HS6ST3: variants seen among roughly 807,000 people sequenced by gnomAD.
HS6ST3 encodes heparan sulfate 6-O-sulfotransferase 3, also known as heparan-sulfate 6-O-sulfotransferase 3.
Under a neutral mutation model 36.7 loss-of-function variants are expected in HS6ST3, and 12 were observed. The ratio of observed to expected loss-of-function variants is 0.33; its 90% confidence interval spans 0.21 to 0.53. The LOEUF is 0.53. HS6ST3 is among the 20% of genes least tolerant of loss of function. The pLI is 0.95. For missense variants in HS6ST3, 584 were observed against 640.9 expected (o/e 0.91, Z 0.96); for synonymous variants, 240 against 257.5 (o/e 0.93, Z 0.65).
At chr13:96,166,867 G>A (rs1000924841) in intron 1 of HS6ST3, among the ~76,000 whole-genome samples, 1 of 152,124 alleles carries the variant, frequency 6.6e-6, no homozygotes, top group Non-Finnish European at 1.5e-5. Flanking sequence ...TTTCTGCCAT[G>A]CTGTTCTCAT....
At chr13:96,292,260 A>C (rs1463568227) in intron 1 of HS6ST3, among the ~76,000 whole-genome samples, 1 of 151,818 alleles carries the variant, frequency 6.6e-6, no homozygotes, top group African/African-American at 2.4e-5. Context: ...GGTTTATATT[A>C]CTTTAAAGTG....
intron 1 of HS6ST3, among the ~76,000 whole-genome samples, chr13:96,637,729 A>G (rs543312503): frequency 6.6e-6 from 1 of 152,250 alleles, no homozygotes; most frequent in Non-Finnish European, 1.5e-5. Context: ...GAGGAAAGAG[A>G]GTAAACAAAT....
chr13:96,701,900 T>C (rs1370736653), intron 1 of HS6ST3, among the ~76,000 whole-genome samples: 2 of 152,150 alleles, frequency 1.3e-5, no homozygotes, highest in African/African-American at 4.8e-5. Context: ...AGGTGGAGGC[T>C]GCAGTGAGCT....
At chr13:96,534,683 G>C (rs552496330) in intron 1 of HS6ST3, among the ~76,000 whole-genome samples, 1 of 152,226 alleles carries the variant, frequency 6.6e-6, no homozygotes, top group Non-Finnish European at 1.5e-5. Flanking sequence ...AAGAGGCCGG[G>C]CACGGTGGCA....
intron 1 of HS6ST3, among the ~76,000 whole-genome samples, chr13:96,426,022 G>A (rs1373683781): frequency 6.6e-6 from 1 of 151,054 alleles, no homozygotes; most frequent in Non-Finnish European, 1.5e-5. Flanking sequence ...CCAGAGAGAT[G>A]AAGGAGATCT....
At chr13:96,157,450 C>T (rs187951049) in intron 1 of HS6ST3, among the ~76,000 whole-genome samples, 22 of 152,248 alleles carry the variant, frequency 1.4e-4, no homozygotes, top group African/African-American at 5.3e-4. Context: ...CAGAGCAAGG[C>T]AAATCTGAGT....
At chr13:96,783,569 C>CTTTTT (rs113084867) in intron 1 of HS6ST3, among the ~76,000 whole-genome samples, 2 of 140,594 alleles carry the variant, frequency 1.4e-5, no homozygotes, top group African/African-American at 5.2e-5. Context: ...AAAAATAAAG[C>CTTTTT]TTTTTTTTTT....
chr13:96,496,441 A>G lies in HS6ST3; in HGVS notation c.708-336049A>G, dbSNP rs985952419. ...GCCAGTCTTCTGACTGGCTCTGACC[A>G]CTAGAATGTGGCAAAAGTGACATTC... is the stretch of plus-strand genomic sequence containing the variant. On this transcript the variant is annotated intron_variant, in intron 1 of 1. Coordinates refer to ENST00000376705, the MANE Select transcript of HS6ST3 (RefSeq NM_153456.4). Among the ~76,000 whole-genome samples, 5 of 151,996 alleles carry G rather than the reference A, an allele frequency of 3.3e-5. No homozygotes were observed. In the South Asian group the frequency reaches 6.2e-4, roughly 19 times the overall value.
chr13:96,655,527 T>C (rs1395090346), intron 1 of HS6ST3, among the ~76,000 whole-genome samples: 1 of 152,182 alleles, frequency 6.6e-6, no homozygotes, highest in East Asian at 1.9e-4. Flanking sequence ...AATTGTCTTC[T>C]TGGAAGCCTA....
intron 1 of HS6ST3, among the ~76,000 whole-genome samples, chr13:96,306,957 A>G (rs907925629): frequency 6.6e-6 from 1 of 152,188 alleles, no homozygotes. Context: ...CAGATAGGCA[A>G]CACTGATTCA....
At chr13:96,682,985 C>A (rs2056723436) in intron 1 of HS6ST3, among the ~76,000 whole-genome samples, 1 of 152,008 alleles carries the variant, frequency 6.6e-6, no homozygotes, top group African/African-American at 2.4e-5. Context: ...TTCTATGCAA[C>A]AACTTACCTG....
At chr13:96,812,840 A>C (rs1878346158) in intron 1 of HS6ST3, among the ~76,000 whole-genome samples, 1 of 152,156 alleles carries the variant, frequency 6.6e-6, no homozygotes, top group Non-Finnish European at 1.5e-5. Context: ...GTAACTGGGA[A>C]CATATCTTTG....
intron 1 of HS6ST3, among the ~76,000 whole-genome samples, chr13:96,101,115 A>G (rs1039638554): frequency 2.6e-5 from 4 of 152,228 alleles, no homozygotes; most frequent in Admixed American, 2.0e-4. Flanking sequence ...ATCTGATAAT[A>G]GTGACAGATT....
intron 1 of HS6ST3, among the ~76,000 whole-genome samples, chr13:96,287,583 T>C (rs2139397275): frequency 6.6e-6 from 1 of 152,288 alleles, no homozygotes; most frequent in Non-Finnish European, 1.5e-5. Context: ...AATTTATGGC[T>C]TAATGCTGAA....
At chr13:96,614,527 C>T (rs1181342228) in intron 1 of HS6ST3, among the ~76,000 whole-genome samples, 1 of 151,486 alleles carries the variant, frequency 6.6e-6, no homozygotes, top group African/African-American at 2.4e-5. Context: ...GCTTTCCAGA[C>T]GAAGGAAAAA....
chr13:96,248,896 T>G (rs1293831688), intron 1 of HS6ST3, among the ~76,000 whole-genome samples: 1 of 152,222 alleles, frequency 6.6e-6, no homozygotes, highest in Non-Finnish European at 1.5e-5. Flanking sequence ...CAAAATCTTG[T>G]GCATGACAAA....
At chr13:96,807,409 G>A (rs1157038288) in intron 1 of HS6ST3, among the ~76,000 whole-genome samples, 1 of 152,152 alleles carries the variant, frequency 6.6e-6, no homozygotes, top group African/African-American at 2.4e-5. Flanking sequence ...AGAGTAGGGT[G>A]TGCCCCCTAC....
At chr13:96,164,214 TAA>T (rs2054150386) in intron 1 of HS6ST3, among the ~76,000 whole-genome samples, 1 of 152,150 alleles carries the variant, frequency 6.6e-6, no homozygotes, top group African/African-American at 2.4e-5. Flanking sequence ...TCCATGTATA[TAA>T]AGCATTCTTC....
chr13:96,656,333 C>T (rs640946), intron 1 of HS6ST3, among the ~76,000 whole-genome samples: 148,746 of 152,268 alleles, frequency 0.98, 72,709 homozygotes, highest in East Asian at 1. Flanking sequence ...AGTTATGTAT[C>T]TTTACAAGAT....
Sources: allele counts gnomAD v4.1 joint callset (sites outside exome capture counted in the v4.1 genomes callset), GRCh38; gene constraint gnomAD v4.1.1; transcripts MANE v1.5; gene names NCBI Gene and HGNC (gene_info 2026-07-23, HGNC 2026-07-21).